TSHR: variants seen among roughly 807,000 people sequenced by gnomAD.
TSHR encodes thyrotropin receptor.
A neutral mutation model predicts 64.1 loss-of-function variants in TSHR; 51 were observed. The observed-to-expected ratio is 0.80, with a 90% CI of 0.64 to 1.01. TSHR has a LOEUF of 1.01. Among genes scored for constraint, TSHR ranks in the 50% least tolerant of loss-of-function variants. The pLI, the probability that TSHR is intolerant of heterozygous loss-of-function variation, is 0.00. For synonymous variants in TSHR, 361 were observed against 361.9 expected, an observed-to-expected ratio of 1.00 and a Z score of 0.03; for missense variants, 877 against 942.8, an observed-to-expected ratio of 0.93 and a Z score of 0.91.
chr14:81,074,965 T>C (rs1887388816), intron 3 of TSHR, among the ~76,000 whole-genome samples: 1 of 152,244 alleles, frequency 6.6e-6, no homozygotes, highest in Admixed American at 6.5e-5. Flanking sequence ...TGTTCTGTGA[T>C]ATGAATTAGA....
chr14:81,004,046 G>C (rs1197765772), intron 1 of TSHR, among the ~76,000 whole-genome samples: 8 of 152,146 alleles, frequency 5.3e-5, no homozygotes, highest in Non-Finnish European at 1.2e-4. Context: ...CTGGGATATA[G>C]ACATGTTTAT....
At chr14:81,036,973 T>C (rs1236892410) in intron 1 of TSHR, among the ~76,000 whole-genome samples, 2 of 151,948 alleles carry the variant, frequency 1.3e-5, no homozygotes, top group African/African-American at 2.4e-5. Flanking sequence ...TGAAACCCCA[T>C]CTCTACTAAA....
At chr14:81,096,136 A>C (rs1056627212) in intron 6 of TSHR, among the ~76,000 whole-genome samples, 5 of 152,216 alleles carry the variant, frequency 3.3e-5, no homozygotes, top group African/African-American at 1.2e-4. Context: ...CATAACCCTT[A>C]AACATTTAAT....
intron 1 of TSHR, among the ~76,000 whole-genome samples, chr14:81,028,254 C>G (rs1884172280): frequency 6.6e-6 from 1 of 152,066 alleles, no homozygotes; most frequent in African/African-American, 2.4e-5. Flanking sequence ...TCCAGGAATG[C>G]TGGTTTACAT....
chr14:80,982,145 T>C (rs1374175975), intron 1 of TSHR: 3 of 577,302 alleles, frequency 5.2e-6, no homozygotes, highest in Non-Finnish European at 9.6e-6. Flanking sequence ...CTCTGACAGA[T>C]GCAGTGGCAG....
chr14:81,011,617 GTT>G (rs563857566), intron 1 of TSHR, among the ~76,000 whole-genome samples: 286 of 151,912 alleles, frequency 1.9e-3, no homozygotes, highest in Non-Finnish European at 3.2e-3. Context: ...TTTCAAACCA[GTT>G]TTTATACTAG....
chr14:81,067,955 C>T (rs995744966), intron 2 of TSHR, among the ~76,000 whole-genome samples: 1 of 59,012 alleles, frequency 1.7e-5, no homozygotes, highest in African/African-American at 1.2e-4. Flanking sequence ...ATATATATAT[C>T]GCTAAATATG....
chr14:81,010,364 C>T (rs375644462), intron 1 of TSHR, among the ~76,000 whole-genome samples: 53 of 151,984 alleles, frequency 3.5e-4, no homozygotes, highest in African/African-American at 1.1e-3. Context: ...ATTTAAATTT[C>T]GGAACAGCCA....
intron 1 of TSHR, among the ~76,000 whole-genome samples, chr14:80,964,757 T>C (rs541289378): frequency 6.9e-6 from 1 of 145,150 alleles, no homozygotes; most frequent in East Asian, 1.9e-4. Context: ...GTACTCACTA[T>C]GACTCAATCT....
At chr14:81,061,143 C>T (rs1294245025) in intron 1 of TSHR, among the ~76,000 whole-genome samples, 2 of 152,070 alleles carry the variant, frequency 1.3e-5, no homozygotes, top group East Asian at 3.8e-4. Flanking sequence ...AAGATATGAT[C>T]GAAGAGACTT....
intron 8 of TSHR, among the ~76,000 whole-genome samples, chr14:81,127,633 G>A (rs1300944809): frequency 6.6e-6 from 1 of 152,158 alleles, no homozygotes; most frequent in African/African-American, 2.4e-5. Context: ...TCATGGAGGT[G>A]GTTCTTCTAT....
chr14:80,998,261 G>A (rs1889127620), intron 1 of TSHR, among the ~76,000 whole-genome samples: 1 of 152,032 alleles, frequency 6.6e-6, no homozygotes, highest in Non-Finnish European at 1.5e-5. Flanking sequence ...AAGAGTATTG[G>A]GGCAGGCAAT....
At chr14:81,122,214 T>C (rs1459632967) in intron 8 of TSHR, among the ~76,000 whole-genome samples, 2 of 151,084 alleles carry the variant, frequency 1.3e-5, no homozygotes, top group African/African-American at 4.9e-5. Flanking sequence ...GGCTAATTTT[T>C]GTATTTTTAG....
intron 1 of TSHR, among the ~76,000 whole-genome samples, chr14:81,059,034 C>G (rs1886031710): frequency 6.6e-6 from 1 of 152,066 alleles, no homozygotes; most frequent in African/African-American, 2.4e-5. Context: ...ACAAAACCTC[C>G]ACAAAGGTTA....
intron 4 of TSHR, among the ~76,000 whole-genome samples, chr14:81,089,138 C>A (rs1290503958): frequency 7.4e-6 from 1 of 134,486 alleles, no homozygotes; most frequent in African/African-American, 3.3e-5. Context: ...CAGGTGTGCA[C>A]CACCATGCCC....
At chr14:80,972,893 C>T (rs1311439588) in intron 1 of TSHR, among the ~76,000 whole-genome samples, 1 of 152,176 alleles carries the variant, frequency 6.6e-6, no homozygotes, top group African/African-American at 2.4e-5. Flanking sequence ...ACTGCTTTCA[C>T]TTAGCATAAT....
intron 8 of TSHR, among the ~76,000 whole-genome samples, chr14:81,138,681 G>A (rs2140100366): frequency 6.6e-6 from 1 of 152,202 alleles, no homozygotes; most frequent in Admixed American, 6.5e-5. Context: ...GTAAACCCCA[G>A]CTAAGTCCAA....
chr14:80,973,590 A>G (rs1326840661), intron 1 of TSHR, among the ~76,000 whole-genome samples: 1 of 152,064 alleles, frequency 6.6e-6, no homozygotes, highest in Non-Finnish European at 1.5e-5. Flanking sequence ...CTTAGGCAAC[A>G]TTTCTAGAAA....
chr14:81,109,981 C>CTA (rs1438968626), intron 8 of TSHR, among the ~76,000 whole-genome samples: 3 of 152,184 alleles, frequency 2.0e-5, no homozygotes, highest in African/African-American at 4.8e-5. Flanking sequence ...GATTAAGGTA[C>CTA]TACTTCGCCA....
Sources: allele counts gnomAD v4.1 joint callset (sites outside exome capture counted in the v4.1 genomes callset), GRCh38; gene constraint gnomAD v4.1.1; transcripts MANE v1.5; gene names NCBI Gene and HGNC (gene_info 2026-07-23, HGNC 2026-07-21).